Variants in TCF12 observed in about 807,000 individuals in gnomAD.
TCF12 encodes transcription factor 12, also known as DNA-binding protein HTF4.
TCF12 carries 45 observed loss-of-function variants against 86.0 expected under a neutral mutation model. The ratio of observed to expected loss-of-function variants is 0.52; its 90% CI spans 0.41 to 0.67. The LOEUF (loss-of-function observed/expected upper bound fraction) is 0.67. TCF12 is among the 30% of genes least tolerant of loss of function. The probability of loss-of-function intolerance (pLI) is 0.00; values close to 1 mark genes in which losing one functional copy is unlikely to be tolerated. For synonymous variants in TCF12, 330 were observed against 299.6 expected (o/e 1.10, Z -1.05); for missense variants, 881 against 859.9 (o/e 1.02, Z -0.31).
At chr15:57,248,069 T>A (rs1237853147) in intron 13 of TCF12, 1 of 702,942 alleles carries the variant, frequency 1.4e-6, no homozygotes, top group South Asian at 1.5e-5. Flanking sequence ...TGGACTCATG[T>A]CTTCCAACTC....
intron 3 of TCF12, among the ~76,000 whole-genome samples, chr15:56,993,725 C>A (rs187367766): frequency 1.6e-4 from 25 of 152,304 alleles, no homozygotes; most frequent in Middle Eastern, 6.8e-3. Flanking sequence ...GCTATAGAAG[C>A]CATGTTAGAG....
chr15:57,220,089 A>G (rs561081391), intron 8 of TCF12, among the ~76,000 whole-genome samples: 72 of 152,208 alleles, frequency 4.7e-4, no homozygotes, highest in African/African-American at 1.7e-3. Context: ...GCTACTCAAT[A>G]GTTGTTGGCT....
chr15:57,264,570 TG>T (rs1359651073), intron 18 of TCF12, among the ~76,000 whole-genome samples: 1 of 152,148 alleles, frequency 6.6e-6, no homozygotes, highest in Non-Finnish European at 1.5e-5. Flanking sequence ...CAAACTTTTT[TG>T]TTAAAAACTA....
At chr15:56,951,513 A>G (rs1218219542) in intron 3 of TCF12, among the ~76,000 whole-genome samples, 1 of 152,098 alleles carries the variant, frequency 6.6e-6, no homozygotes, top group Non-Finnish European at 1.5e-5. Context: ...TTCTCTAAAC[A>G]GTGTCTTTTG....
At chr15:56,966,515 T>C (rs1314777183) in intron 3 of TCF12, among the ~76,000 whole-genome samples, 1 of 152,204 alleles carries the variant, frequency 6.6e-6, no homozygotes, top group Non-Finnish European at 1.5e-5. Flanking sequence ...TTTTTGCTTT[T>C]CTTGTGGAGA....
At chr15:57,099,270 C>G (rs1172674609) in intron 5 of TCF12, among the ~76,000 whole-genome samples, 1 of 152,022 alleles carries the variant, frequency 6.6e-6, no homozygotes, top group African/African-American at 2.4e-5. Flanking sequence ...TCTTTTCTAC[C>G]CAGTCTGAGA....
chr15:57,158,350 T>C (rs2054269137), intron 5 of TCF12, among the ~76,000 whole-genome samples: 1 of 152,012 alleles, frequency 6.6e-6, no homozygotes, highest in Non-Finnish European at 1.5e-5. Context: ...AGATGATTTT[T>C]TGTATTTTTT....
At chr15:57,187,037 C>T (rs1415891169) in intron 6 of TCF12, among the ~76,000 whole-genome samples, 1 of 151,976 alleles carries the variant, frequency 6.6e-6, no homozygotes, top group Non-Finnish European at 1.5e-5. Flanking sequence ...AAAAATTAGC[C>T]AGGCGTGGTG....
intron 3 of TCF12, among the ~76,000 whole-genome samples, chr15:56,940,321 T>C (rs756981956): frequency 2.6e-5 from 4 of 152,132 alleles, no homozygotes; most frequent in Non-Finnish European, 5.9e-5. Context: ...TATTTAATAC[T>C]CTAAATCGTC....
chr15:57,218,837 TC>T (rs1276180975), intron 8 of TCF12, among the ~76,000 whole-genome samples: 1 of 152,222 alleles, frequency 6.6e-6, no homozygotes, highest in Non-Finnish European at 1.5e-5. Context: ...TAAAATGTGT[TC>T]CTTTCAGTTT....
At chr15:57,223,643 G>GTTTTTTTGTTTTTTTTTTTTTTT (rs2058709304) in intron 8 of TCF12, among the ~76,000 whole-genome samples, 1 of 69,666 alleles carries the variant, frequency 1.4e-5, no homozygotes, top group Admixed American at 1.9e-4. Context: ...TACCAATGAG[G>GTTTTTTTGTTTTTTTTTTTTTTT]TTTTTTTTTT....
chr15:57,183,487 T>C (rs1209439864), intron 6 of TCF12, among the ~76,000 whole-genome samples: 1 of 152,178 alleles, frequency 6.6e-6, no homozygotes, highest in African/African-American at 2.4e-5. Context: ...TTCTCTTGCG[T>C]ATTTCCAACA....
chr15:57,168,925 A>G (rs1356863424), intron 6 of TCF12, among the ~76,000 whole-genome samples: 3 of 152,088 alleles, frequency 2.0e-5, no homozygotes, highest in African/African-American at 7.2e-5. Context: ...AGGCTCCTGT[A>G]ATCCCAGCTA....
intron 8 of TCF12, among the ~76,000 whole-genome samples, chr15:57,226,756 A>G (rs1355165397): frequency 6.6e-6 from 1 of 152,198 alleles, no homozygotes; most frequent in Non-Finnish European, 1.5e-5. Context: ...AAAATAATTT[A>G]TACAATCTTA....
chr15:56,978,308 A>T (rs1324599978), intron 3 of TCF12, among the ~76,000 whole-genome samples: 1 of 152,232 alleles, frequency 6.6e-6, no homozygotes, highest in Admixed American at 6.5e-5. Flanking sequence ...CCGTGATTCC[A>T]CTAATAGTTA....
At chr15:57,061,174 A>G (rs1292179530) in intron 3 of TCF12, among the ~76,000 whole-genome samples, 1 of 152,214 alleles carries the variant, frequency 6.6e-6, no homozygotes, top group Admixed American at 6.5e-5. Context: ...ATAGAAGTAG[A>G]GTCACTTGAT....
intron 12 of TCF12, among the ~76,000 whole-genome samples, chr15:57,242,823 C>A (rs1478227950): frequency 6.6e-6 from 1 of 152,110 alleles, no homozygotes; most frequent in Non-Finnish European, 1.5e-5. Context: ...TCAAAGTAGA[C>A]CTATTAGGAT....
At chr15:57,174,322 A>G (rs1360571849) in intron 6 of TCF12, among the ~76,000 whole-genome samples, 1 of 152,212 alleles carries the variant, frequency 6.6e-6, no homozygotes, top group African/African-American at 2.4e-5. Flanking sequence ...AAACAATGTG[A>G]TCATTTCCAT....
At chr15:57,085,703 T>C (rs1209789641) in intron 4 of TCF12, among the ~76,000 whole-genome samples, 2 of 152,262 alleles carry the variant, frequency 1.3e-5, no homozygotes, top group African/African-American at 4.8e-5. Context: ...AACACTTTTC[T>C]CTCTTTGAAA....
Sources: gnomAD v4.1 joint callset for allele counts (sites outside exome capture counted in the v4.1 genomes callset) on GRCh38, gnomAD v4.1.1 for gene constraint, MANE v1.5 for transcripts, NCBI Gene and HGNC (gene_info 2026-07-23, HGNC 2026-07-21) for gene names.